RABGEF1: variants seen among roughly 807,000 people sequenced by gnomAD.
The protein encoded by RABGEF1 is rab5 GDP/GTP exchange factor.
In RABGEF1, 26 loss-of-function variants were observed where a neutral mutation model predicts 57.3. That is an observed-to-expected ratio of 0.45 (90% confidence interval 0.33 to 0.63). The LOEUF (loss-of-function observed/expected upper bound fraction) is 0.63, where lower values mean the gene tolerates loss of function less well. Ranked by LOEUF, RABGEF1 falls within the 20% of genes least tolerant of loss-of-function variation. The probability of loss-of-function intolerance (pLI) is 0.02; values close to 1 mark genes in which losing one functional copy is unlikely to be tolerated. For synonymous variants in RABGEF1, 185 were observed against 210.7 expected (o/e 0.88, Z 1.06); for missense variants, 464 against 607.6 (o/e 0.76, Z 2.48).
intron 1 of RABGEF1, among the ~76,000 whole-genome samples, chr7:66,764,678 G>A (rs1583872986): frequency 6.6e-6 from 1 of 152,118 alleles, no homozygotes; most frequent in East Asian, 1.9e-4. Context: ...TTTTGCATGT[G>A]GCTATCCAAT....
At chr7:66,655,980 G>A in the RABGEF1 span, among the ~76,000 whole-genome samples, 5 of 152,316 alleles carry the variant, frequency 3.3e-5, no homozygotes, top group South Asian at 2.1e-4. Context: ...CATTTAGGCC[G>A]TGCTGTCGGG....
the RABGEF1 span, among the ~76,000 whole-genome samples, chr7:66,662,848 T>C: frequency 6.6e-6 from 1 of 151,626 alleles, no homozygotes; most frequent in African/African-American, 2.4e-5. Context: ...TAGGTGTGCA[T>C]CTGCAGGTGT....
At chr7:66,759,755 G>C (rs1162697967) in intron 1 of RABGEF1, among the ~76,000 whole-genome samples, 3 of 152,166 alleles carry the variant, frequency 2.0e-5, no homozygotes, top group African/African-American at 7.2e-5. Context: ...AGGGGATGGT[G>C]CGAAACCATT....
chr7:66,739,831 C>T (rs1341072947), upstream of RABGEF1: 1 of 152,192 alleles, frequency 6.6e-6, no homozygotes, highest in African/African-American at 2.4e-5. Context: ...ACATGGCATT[C>T]AGGACGCAGA....
At chr7:66,681,005 C>A (rs1440166090), upstream of RABGEF1, among the ~76,000 whole-genome samples, 1 of 152,020 alleles carries the variant, frequency 6.6e-6, no homozygotes, top group Non-Finnish European at 1.5e-5. Flanking sequence ...ATCGCTTGAA[C>A]CTAGGAGGCG....
the RABGEF1 span, chr7:66,665,369 C>T: frequency 6.6e-6 from 1 of 151,286 alleles, no homozygotes; most frequent in Non-Finnish European, 1.5e-5. Context: ...ATTTCAAACT[C>T]CTGTACTCAA....
At chr7:66,759,421 T>C (rs558653894) in intron 1 of RABGEF1, among the ~76,000 whole-genome samples, 1 of 152,332 alleles carries the variant, frequency 6.6e-6, no homozygotes, top group Non-Finnish European at 1.5e-5. Flanking sequence ...GAAGTGTTTT[T>C]TATTGTGAAA....
At chr7:66,707,267 A>G (rs938742998) in intron 1 of RABGEF1, among the ~76,000 whole-genome samples, 6 of 152,174 alleles carry the variant, frequency 3.9e-5, no homozygotes, top group Admixed American at 1.3e-4. Context: ...ATAGTGGAGA[A>G]TGTTTCATGT....
chr7:66,806,570 G>T (rs1248527972), intron 8 of RABGEF1, among the ~76,000 whole-genome samples: 1 of 151,372 alleles, frequency 6.6e-6, no homozygotes. Flanking sequence ...GGCACATGGT[G>T]GTTTAATCTG....
intron 2 of RABGEF1, chr7:66,712,288 C>T (rs1794863360): frequency 6.6e-6 from 1 of 152,170 alleles, no homozygotes; most frequent in Admixed American, 6.5e-5. Context: ...ACATTTCTAG[C>T]ATAAATATTT....
upstream of RABGEF1, among the ~76,000 whole-genome samples, chr7:66,681,843 G>A (rs1056299545): frequency 1.3e-5 from 2 of 152,204 alleles, no homozygotes; most frequent in Non-Finnish European, 2.9e-5. Context: ...GAGTCGCCGC[G>A]GTGCCGGCGT....
rs1811654752 is a variant in RABGEF1, at chr7:66,788,113, A to G, written c.513+4272A>G. Among the ~76,000 whole-genome samples the G allele has an allele frequency of 1.3e-5, 2 of 152,158 alleles. 1 individual carries two copies. The highest frequency in any genetic ancestry group is 4.1e-4 in the South Asian group (2 of 4,830). On this transcript the variant is annotated intron_variant, in intron 4 of 8. Transcript: ENST00000284957. ...GGGGCAGGCTCTACTTCCTCAAAGT[A>G]CCTACCCTTTAATTTGTTGGGTATT...
At chr7:66,775,818 T>C (rs758406982) in intron 3 of RABGEF1, among the ~76,000 whole-genome samples, 1 of 152,112 alleles carries the variant, frequency 6.6e-6, no homozygotes, top group Non-Finnish European at 1.5e-5. Flanking sequence ...GCCTGAGAGC[T>C]TATTTGAGAG....
intron 3 of RABGEF1, among the ~76,000 whole-genome samples, chr7:66,783,289 C>T (rs541828646): frequency 5.3e-4 from 80 of 152,292 alleles, no homozygotes; most frequent in African/African-American, 1.9e-3. Flanking sequence ...GTCAGTGCTT[C>T]TATTGATTGT....
At chr7:66,745,376 A>G (rs148213617) in intron 1 of RABGEF1, among the ~76,000 whole-genome samples, 15,881 of 152,152 alleles carry the variant, frequency 0.1, 909 homozygotes, top group Non-Finnish European at 0.11. Flanking sequence ...GAGATGACCT[A>G]TCCCTCAAAT....
intron 2 of RABGEF1, among the ~76,000 whole-genome samples, chr7:66,731,953 C>G (rs763580922): frequency 7.9e-5 from 12 of 152,326 alleles, no homozygotes; most frequent in South Asian, 4.1e-4. Context: ...TCCACTCCCC[C>G]CAGGGCCCAT....
At chr7:66,756,061 G>A (rs1347333415) in intron 1 of RABGEF1, 32 of 1,502,242 alleles carry the variant, frequency 2.1e-5, no homozygotes, top group Middle Eastern at 2.0e-4. Context: ...GAATGATGGC[G>A]TCTTCATACC....
At chr7:66,762,765 G>C (rs1166931333) in intron 1 of RABGEF1, among the ~76,000 whole-genome samples, 1 of 152,036 alleles carries the variant, frequency 6.6e-6, no homozygotes, top group Admixed American at 6.6e-5. Context: ...TGGAGAAATG[G>C]CATTGGGTCC....
the RABGEF1 span, among the ~76,000 whole-genome samples, chr7:66,658,977 C>T: frequency 2.0e-4 from 31 of 152,158 alleles, no homozygotes; most frequent in Middle Eastern, 3.4e-3. Context: ...CCTCATGATC[C>T]GCCTGCCTTG....
Sources: allele counts gnomAD v4.1 joint callset (sites outside exome capture counted in the v4.1 genomes callset), GRCh38; gene constraint gnomAD v4.1.1; transcripts MANE v1.5; gene names NCBI Gene and HGNC (gene_info 2026-07-23, HGNC 2026-07-21).